Variants in SLC39A11 observed in about 807,000 individuals in gnomAD.
SLC39A11 encodes the protein zinc transporter ZIP11.
In SLC39A11, 33 loss-of-function variants were observed where a neutral mutation model predicts 36.1. The ratio of observed to expected loss-of-function variants is 0.91; its 90% CI spans 0.69 to 1.22. The LOEUF (loss-of-function observed/expected upper bound fraction) is 1.22, where lower values mean the gene tolerates loss of function less well. Ranked by LOEUF, SLC39A11 falls within the 50% of genes most tolerant of loss-of-function variation. The probability of loss-of-function intolerance (pLI) is 0.00; values close to 1 mark genes in which losing one functional copy is unlikely to be tolerated. For synonymous variants in SLC39A11, 166 were observed against 170.3 expected, an observed-to-expected ratio of 0.97 and a Z score of 0.20; for missense variants, 432 against 430.3, an observed-to-expected ratio of 1.00 and a Z score of -0.03.
intron 4 of SLC39A11, among the ~76,000 whole-genome samples, chr17:72,974,040 T>C (rs541503633): frequency 4.3e-4 from 66 of 152,308 alleles, no homozygotes; most frequent in African/African-American, 1.3e-3. Flanking sequence ...AGATTCCTAT[T>C]GCCTAGTGAC....
intron 5 of SLC39A11, among the ~76,000 whole-genome samples, chr17:72,866,253 C>T (rs1470728209): frequency 1.3e-5 from 2 of 152,200 alleles, no homozygotes; most frequent in Non-Finnish European, 2.9e-5. Flanking sequence ...ATCTAGGTTG[C>T]ATGCTCCTTA....
chr17:73,031,308 T>C (rs2058731840), intron 4 of SLC39A11, among the ~76,000 whole-genome samples: 2 of 147,696 alleles, frequency 1.4e-5, no homozygotes, highest in South Asian at 4.2e-4. Context: ...AGCTGTACTC[T>C]ATATTTTTAA....
intron 5 of SLC39A11, among the ~76,000 whole-genome samples, chr17:72,879,065 T>C (rs1377711599): frequency 6.6e-6 from 1 of 152,178 alleles, no homozygotes; most frequent in Non-Finnish European, 1.5e-5. Context: ...ATGGAAGCAA[T>C]GCATAGGGAG....
chr17:72,664,351 T>C (rs112730106), intron 7 of SLC39A11, among the ~76,000 whole-genome samples: 291 of 152,254 alleles, frequency 1.9e-3, no homozygotes, highest in Non-Finnish European at 3.0e-3. Flanking sequence ...ACCTCATTGC[T>C]CCACATAAAA....
At chr17:72,851,679 A>G (rs2079335792) in intron 5 of SLC39A11, among the ~76,000 whole-genome samples, 1 of 152,202 alleles carries the variant, frequency 6.6e-6, no homozygotes, top group Non-Finnish European at 1.5e-5. Context: ...AACCAATCAC[A>G]GGCAGCCAAG....
intron 5 of SLC39A11, among the ~76,000 whole-genome samples, chr17:72,890,284 CA>C (rs11335169): frequency 0.45 from 62,703 of 140,800 alleles, 13,635 homozygotes; most frequent in East Asian, 0.72. Flanking sequence ...ACAACAACAA[CA>C]AAAAAAAAAA....
intron 7 of SLC39A11, among the ~76,000 whole-genome samples, chr17:72,669,223 C>T (rs149609328): frequency 3.0e-4 from 46 of 152,260 alleles, no homozygotes; most frequent in Non-Finnish European, 5.6e-4. Context: ...AACTGTAAGA[C>T]GATGATCAAA....
chr17:72,955,312 T>TTTTTTTG (rs2086168494), intron 4 of SLC39A11, among the ~76,000 whole-genome samples: 1 of 140,450 alleles, frequency 7.1e-6, no homozygotes, highest in Non-Finnish European at 1.5e-5. Flanking sequence ...TTTTTTTTTT[T>TTTTTTTG]TTTTTTGTTT....
At chr17:73,013,692 A>ATT (rs71154944) in intron 4 of SLC39A11, among the ~76,000 whole-genome samples, 30 of 150,592 alleles carry the variant, frequency 2.0e-4, no homozygotes, top group African/African-American at 6.1e-4. Flanking sequence ...AGGTTTTGTG[A>ATT]TTTTTTTTTT....
chr17:72,726,859 G>C (rs2143712494), intron 7 of SLC39A11, among the ~76,000 whole-genome samples: 1 of 152,144 alleles, frequency 6.6e-6, no homozygotes, highest in South Asian at 2.1e-4. Flanking sequence ...TAATTTAATG[G>C]GCTATACTAC....
chr17:72,753,327 A>G (rs1038101063), intron 6 of SLC39A11, among the ~76,000 whole-genome samples: 3 of 152,154 alleles, frequency 2.0e-5, no homozygotes, highest in Non-Finnish European at 4.4e-5. Flanking sequence ...GTGTTTGGGA[A>G]CTGGAGAATT....
intron 6 of SLC39A11, among the ~76,000 whole-genome samples, chr17:72,799,512 T>C (rs1262066966): frequency 6.6e-6 from 1 of 152,138 alleles, no homozygotes; most frequent in Admixed American, 6.5e-5. Context: ...AAGATATTGC[T>C]AAATTCTTTT....
intron 4 of SLC39A11, among the ~76,000 whole-genome samples, chr17:72,988,269 A>G (rs982484239): frequency 6.6e-6 from 1 of 152,218 alleles, no homozygotes; most frequent in African/African-American, 2.4e-5. Flanking sequence ...TCCGGCCAAC[A>G]TGGTGAAATC....
intron 7 of SLC39A11, among the ~76,000 whole-genome samples, chr17:72,721,087 CT>C (rs56090007): frequency 0.42 from 53,497 of 126,410 alleles, 10,841 homozygotes; most frequent in Admixed American, 0.5. Flanking sequence ...TGTCCCTCGC[CT>C]TTTTTTTTTT....
chr17:73,006,087 G>A (rs1011804552), intron 4 of SLC39A11, among the ~76,000 whole-genome samples: 7 of 152,072 alleles, frequency 4.6e-5, no homozygotes, highest in African/African-American at 1.2e-4. Context: ...TCATTGTCAC[G>A]ACATGTCCCG....
intron 7 of SLC39A11, among the ~76,000 whole-genome samples, chr17:72,733,331 C>A (rs1318662074): frequency 6.6e-6 from 1 of 152,202 alleles, no homozygotes; most frequent in Non-Finnish European, 1.5e-5. Flanking sequence ...ACTGGAAGTA[C>A]TAGTGACAAA....
Position 72,781,887 on chromosome 17 carries a change from CA to C in SLC39A11, c.602-45169del, listed in dbSNP as rs4036981. The stretch of plus-strand genomic sequence containing the variant: ...ACTTCACTTTCCATCCATCACCATC[CA>C]AAAAAAAAAAAAAATTCTATTTATA... On this transcript the variant is annotated intron_variant, in intron 6 of 9. Coordinates refer to ENST00000255559, the MANE Select transcript of SLC39A11 (RefSeq NM_139177.4). Among the ~76,000 whole-genome samples the C allele has an allele frequency of 3.6e-3, 489 of 136,680 alleles. 4 individuals carry two copies. Among genetic ancestry groups the C allele is most frequent in the South Asian group, 0.022 (96 of 4,270 alleles). 89.7% of individuals were successfully genotyped at this position (136,680 alleles called of 152,430 possible).
At chr17:73,017,734 T>TAAA (rs1186501060) in intron 4 of SLC39A11, among the ~76,000 whole-genome samples, 1 of 151,636 alleles carries the variant, frequency 6.6e-6, no homozygotes, top group Non-Finnish European at 1.5e-5. Context: ...AAAAACAAAA[T>TAAA]AATAAAAAAT....
At chr17:73,064,639 C>A (rs552902779) in intron 3 of SLC39A11, among the ~76,000 whole-genome samples, 2 of 152,240 alleles carry the variant, frequency 1.3e-5, no homozygotes, top group Admixed American at 1.3e-4. Flanking sequence ...GAGGTCCCCC[C>A]TCTAAGGAAA....
Sources: allele counts gnomAD v4.1 joint callset (sites outside exome capture counted in the v4.1 genomes callset), GRCh38; gene constraint gnomAD v4.1.1; transcripts MANE v1.5; gene names NCBI Gene and HGNC (gene_info 2026-07-23, HGNC 2026-07-21).